IPPK: variants seen among roughly 807,000 people sequenced by gnomAD.
IPPK encodes IPK1 homolog.
Under a neutral mutation model 64.6 loss-of-function variants are expected in IPPK, and 22 were observed. The ratio of observed to expected loss-of-function variants is 0.34; its 90% CI spans 0.24 to 0.49. The LOEUF is 0.49. Ranked by LOEUF, IPPK falls within the 20% of genes least tolerant of loss-of-function variation. The pLI is 0.99. For missense variants in IPPK, 532 were observed against 630.7 expected (o/e 0.84, Z 1.68); for synonymous variants, 262 against 247.2 (o/e 1.06, Z -0.56).
chr9:92,665,021 T>C (rs943813912), intron 1 of IPPK, among the ~76,000 whole-genome samples: 11 of 152,124 alleles, frequency 7.2e-5, no homozygotes, highest in African/African-American at 2.4e-4. Flanking sequence ...GCAGACCTCA[T>C]CACGCAACTG....
At chr9:92,665,678 T>C (rs1385512625) in intron 1 of IPPK, among the ~76,000 whole-genome samples, 1 of 152,258 alleles carries the variant, frequency 6.6e-6, no homozygotes, top group African/African-American at 2.4e-5. Context: ...TTTGTAATTA[T>C]AACCACATCA....
chr9:92,649,635 G>A (rs2131450210), intron 4 of IPPK, 61 bp from the exon 5 acceptor site: 3 of 1,595,538 alleles, frequency 1.9e-6, no homozygotes, highest in South Asian at 2.2e-5. Flanking sequence ...GATGATCCCT[G>A]CCCAAAACAG....
chr9:92,637,803 C>A (rs975301801), intron 9 of IPPK, among the ~76,000 whole-genome samples, 198 bp downstream of exon 9: 1 of 152,234 alleles, frequency 6.6e-6, no homozygotes, highest in Admixed American at 6.5e-5. Context: ...TTTACAGATG[C>A]AGATAAAAGG....
chr9:92,640,572 C>A (rs1852027378), intron 8 of IPPK, 138 bp downstream of exon 8: 3 of 697,386 alleles, frequency 4.3e-6, no homozygotes, highest in Admixed American at 4.2e-5. Context: ...ATGACTGAAC[C>A]AGTCAGGGCA....
At chr9:92,662,274 C>T (rs368474729) in intron 1 of IPPK, among the ~76,000 whole-genome samples, 4 of 152,012 alleles carry the variant, frequency 2.6e-5, no homozygotes, top group African/African-American at 9.7e-5. Context: ...GCCTGTAATC[C>T]CAGCACTTTG....
chr9:92,622,552 G>A (rs1026706153), intron 11 of IPPK, among the ~76,000 whole-genome samples: 2 of 151,960 alleles, frequency 1.3e-5, no homozygotes, highest in African/African-American at 2.4e-5. Flanking sequence ...ATCAAATATC[G>A]TGAAATTAAT....
chr9:92,625,414 G>A (rs1328162046), intron 11 of IPPK, among the ~76,000 whole-genome samples: 2 of 151,974 alleles, frequency 1.3e-5, no homozygotes, highest in African/African-American at 2.4e-5. Flanking sequence ...AGTGCACAAC[G>A]GTAGATGTAC....
chr9:92,669,485 C>T (rs1852678721), intron 1 of IPPK, among the ~76,000 whole-genome samples: 1 of 152,226 alleles, frequency 6.6e-6, no homozygotes, highest in African/African-American at 2.4e-5. Flanking sequence ...CTTCTTCCTC[C>T]AGTGCTGGCC....
chr9:92,652,964 G>A (rs1021403911), intron 3 of IPPK, among the ~76,000 whole-genome samples: 2 of 152,042 alleles, frequency 1.3e-5, no homozygotes, highest in African/African-American at 4.8e-5. Context: ...CACCCCTTCC[G>A]AGCCCCCTTC....
Position 92,619,519 on chromosome 9 carries a change from A to G in IPPK, c.1217T>C (p.Met406Thr), listed in dbSNP as rs777333231. The G allele has an allele frequency of 6.3e-7, 1 of 1,593,616 alleles. No individual in the cohort carries two copies. The highest frequency in any genetic ancestry group is 8.5e-7 in the Non-Finnish European group (1 of 1,170,514). ...VAMTAKDCSI[M>T]IALSPCLQDA... is the part of the protein sequence containing the mutation. ...CTGCAGACAGGGAGACAGTGCAATC[A>G]TGATGGAGCAGTCCTTGGCAGTCAT... is the stretch of plus-strand genomic sequence containing the variant. The change falls in exon 12 of 13, where the codon ATG becomes ACG. Residue 406 changes from methionine to threonine, a missense_variant. By Grantham distance (81) the Met-to-Thr change is moderately conservative. Transcript: ENST00000287996.
intron 7 of IPPK, 84 bp downstream of exon 7, chr9:92,642,668 A>C: frequency 8.5e-7 from 1 of 1,178,390 alleles, no homozygotes; most frequent in Non-Finnish European, 1.3e-6. Flanking sequence ...ACCTCACGAA[A>C]TACCCCCCAC....
chr9:92,624,839 A>G (rs78489053), intron 11 of IPPK, among the ~76,000 whole-genome samples: 1,893 of 152,144 alleles, frequency 0.012, 39 homozygotes, highest in African/African-American at 0.043. Flanking sequence ...ATGTGGCAAT[A>G]AAGTAAATAG....
rs751786855 is a variant in IPPK at position 92,647,758 on chromosome 9, G to A, written c.504+301C>T. On this transcript the variant is annotated intron_variant, in intron 6 of 12. Transcript: ENST00000287996. ...AGAGTGAATCTGGTGAACACGGGCC[G>A]GGCGCAGTGGCTCACACCAGCACTT... is the stretch of plus-strand genomic sequence containing the variant. Among the ~76,000 whole-genome samples, 3 of 152,016 alleles carry A rather than the reference G, an allele frequency of 2.0e-5. No homozygotes were observed. The South Asian group carries it at 6.2e-4, about 32-fold the overall frequency.
chr9:92,647,577 T>G (rs1852172652), intron 6 of IPPK, among the ~76,000 whole-genome samples: 1 of 152,072 alleles, frequency 6.6e-6, no homozygotes, highest in Admixed American at 6.5e-5. Context: ...ATCCCAGAAA[T>G]GCAAGGTTGG....
chr9:92,655,939 C>G (rs1852363741), intron 3 of IPPK, among the ~76,000 whole-genome samples: 1 of 152,194 alleles, frequency 6.6e-6, no homozygotes, highest in Admixed American at 6.5e-5. Flanking sequence ...TGAGCCAGGG[C>G]TGGCAATCTT....
At chr9:92,669,085 T>C (rs758430916) in intron 1 of IPPK, among the ~76,000 whole-genome samples, 53 of 152,304 alleles carry the variant, frequency 3.5e-4, no homozygotes, top group Admixed American at 5.2e-4. Flanking sequence ...TAGTTCCACT[T>C]CACAAATGTA....
rs1164772670 is a variant in IPPK, at chr9:92,615,724, TA to T, written c.*107del. The T allele has an allele frequency of 1.1e-6, 1 of 912,912 alleles. No homozygotes were observed. Among genetic ancestry groups the T allele is most frequent in the African/African-American group, 1.6e-5 (1 of 60,612 alleles). 56.6% of individuals were successfully genotyped at this position (912,912 alleles called of 1,614,324 possible). The stretch of plus-strand genomic sequence containing the variant: ...GAGGCAATCCCACCTCAAAAGGGGT[TA>T]AAAGCAAAAACATTCACAACCAAAG... On this transcript the variant is annotated 3_prime_UTR_variant, in exon 13 of 13. Transcript: ENST00000287996.
chr9:92,657,632 G>A (rs890784919), intron 2 of IPPK, among the ~76,000 whole-genome samples: 1 of 152,110 alleles, frequency 6.6e-6, no homozygotes, highest in Non-Finnish European at 1.5e-5. Flanking sequence ...CATGGGATGC[G>A]TTCCACAAAC....
chr9:92,658,537 A>G, intron 2 of IPPK, 97 bp downstream of exon 2: 1 of 1,019,538 alleles, frequency 9.8e-7, no homozygotes, highest in Non-Finnish European at 1.5e-6. Context: ...TCATCTTTGA[A>G]TGCTACAACT....
Sources: gnomAD v4.1 joint callset for allele counts (sites outside exome capture counted in the v4.1 genomes callset) on GRCh38, gnomAD v4.1.1 for gene constraint, MANE v1.5 for transcripts, NCBI Gene and HGNC (gene_info 2026-07-23, HGNC 2026-07-21) for gene names.